ADGRV1: variants seen among roughly 807,000 people sequenced by gnomAD.
ADGRV1 encodes the protein G-protein coupled receptor 98.
A neutral mutation model predicts 596.2 loss-of-function variants in ADGRV1; 359 were observed. The observed-to-expected ratio is 0.60, with a 90% CI of 0.55 to 0.66. The LOEUF is 0.66. ADGRV1 is among the 30% of genes least tolerant of loss of function. ADGRV1 has a pLI of 0.00. For synonymous variants in ADGRV1, 2,681 were observed against 2,679.2 expected (o/e 1.00, Z -0.02); for missense variants, 7,274 against 7,575.6 (o/e 0.96, Z 1.48).
chr5:90,787,958 G>A (rs1409022476), intron 67 of ADGRV1, 113 bp from the exon 68 acceptor site: 2 of 644,332 alleles, frequency 3.1e-6, no homozygotes, highest in Admixed American at 3.6e-5. Flanking sequence ...AATTATCCTA[G>A]AATAATTTTC....
chr5:90,629,672 T>C, intron 9 of ADGRV1, 133 bp downstream of exon 9: 4 of 660,346 alleles, frequency 6.1e-6, no homozygotes, highest in Non-Finnish European at 1.0e-5. Flanking sequence ...AAAAGTTGTT[T>C]AGGTAGTCGG....
At chr5:91,123,705 T>C (rs751954308) in intron 87 of ADGRV1, among the ~76,000 whole-genome samples, 2 of 152,232 alleles carry the variant, frequency 1.3e-5, no homozygotes, top group Non-Finnish European at 2.9e-5. Flanking sequence ...GAGCTAAGTA[T>C]TTATTGTATT....
At chr5:90,635,535 T>C (rs1766076792) in intron 10 of ADGRV1, among the ~76,000 whole-genome samples, 1 of 152,128 alleles carries the variant, frequency 6.6e-6, no homozygotes, top group Admixed American at 6.6e-5. Flanking sequence ...TATTTTGATG[T>C]GACAGCTTTC....
At chr5:90,821,321 A>G (rs1227830054) in intron 75 of ADGRV1, among the ~76,000 whole-genome samples, 1 of 150,772 alleles carries the variant, frequency 6.6e-6, no homozygotes, top group Non-Finnish European at 1.5e-5. Flanking sequence ...ATTCTTCTAA[A>G]TTTTTTTCAA....
At chr5:90,961,706 T>G (rs1778048944) in intron 83 of ADGRV1, among the ~76,000 whole-genome samples, 1 of 152,134 alleles carries the variant, frequency 6.6e-6, no homozygotes, top group Non-Finnish European at 1.5e-5. Flanking sequence ...CTAAAAAGTA[T>G]TTACTCTTCA....
chr5:90,703,617 A>C (rs1449399634), intron 34 of ADGRV1, 48 bp from the exon 35 acceptor site: 28 of 1,420,932 alleles, frequency 2.0e-5, no homozygotes, highest in Non-Finnish European at 2.6e-5. Flanking sequence ...TCAAATGTGA[A>C]GTTTATTTTC....
chr5:91,125,699 A>C (rs1206353264), intron 87 of ADGRV1, among the ~76,000 whole-genome samples: 2 of 152,246 alleles, frequency 1.3e-5, no homozygotes, highest in Non-Finnish European at 2.9e-5. Context: ...ATAAAGGAGA[A>C]GAGTTGCACG....
rs1430021250 is a variant in ADGRV1 at position 90,840,874 on chromosome 5, T to C, written c.16908T>C (p.His5636=). ...TTTGGGGGCTTGCAGATCAGCTACA[T>C]CAGCCTGTGAATGATGATATTCTCA... The part of the protein sequence containing the change: ...QAIWGLADQL[H]QPVNDDILNR... Residue 5636 remains histidine (H), a synonymous_variant, in exon 78 of 90, where the codon CAT becomes CAC. Coordinates refer to ENST00000405460, the MANE Select transcript of ADGRV1 (RefSeq NM_032119.4). 1.2e-6 allele frequency: 2 copies of C among 1,608,026 alleles called. No individual in the cohort carries two copies. Among genetic ancestry groups the C allele is most frequent in the Admixed American group, 1.7e-5 (1 of 59,742 alleles).
At chr5:91,072,698 C>T (rs975193138) in intron 86 of ADGRV1, 94 bp downstream of exon 86, 67 of 1,313,964 alleles carry the variant, frequency 5.1e-5, no homozygotes, top group South Asian at 1.4e-4. Context: ...GAGGGAAGTT[C>T]GGCTCATCTT....
chr5:90,970,095 A>G (rs1231094494), intron 84 of ADGRV1, among the ~76,000 whole-genome samples: 7 of 152,206 alleles, frequency 4.6e-5, no homozygotes, highest in Non-Finnish European at 7.3e-5. Context: ...CCTGGCTCGG[A>G]GGGTCCCACG....
intron 87 of ADGRV1, among the ~76,000 whole-genome samples, chr5:91,115,027 G>A (rs1165431216): frequency 2.0e-5 from 3 of 152,122 alleles, no homozygotes; most frequent in South Asian, 4.1e-4. Context: ...AAAAAACAAC[G>A]CTGAATATAG....
At chr5:90,627,162 A>G in intron 6 of ADGRV1, 49 bp from the exon 7 acceptor site, 1 of 982,126 alleles carries the variant, frequency 1.0e-6, no homozygotes, top group Non-Finnish European at 1.5e-6. Context: ...GTTTATTTGC[A>G]GGTGTTTTGG....
intron 83 of ADGRV1, among the ~76,000 whole-genome samples, chr5:90,927,184 A>G (rs996971080): frequency 6.6e-6 from 1 of 150,506 alleles, no homozygotes; most frequent in African/African-American, 2.5e-5. Flanking sequence ...ATTCCTGGGT[A>G]TCCTTGTTGA....
chr5:91,070,054 C>G (rs995535621), intron 85 of ADGRV1, among the ~76,000 whole-genome samples: 12 of 151,964 alleles, frequency 7.9e-5, no homozygotes, highest in African/African-American at 2.7e-4. Context: ...GGAAGCTAAG[C>G]ATTGGGTACT....
chr5:90,628,490 C>T (rs890379126), intron 7 of ADGRV1, 72 bp from the exon 8 acceptor site: 3 of 1,290,232 alleles, frequency 2.3e-6, no homozygotes, highest in African/African-American at 2.9e-5. Context: ...GACAACTTGA[C>T]ATTGGGAAAG....
intron 26 of ADGRV1, 71 bp from the exon 27 acceptor site, chr5:90,681,244 G>A: frequency 6.5e-7 from 1 of 1,543,820 alleles, no homozygotes; most frequent in Non-Finnish European, 8.8e-7. Flanking sequence ...GTTGTTCCTT[G>A]GCTTTTTCTT....
chr5:91,007,323 A>G (rs568475026), intron 85 of ADGRV1, among the ~76,000 whole-genome samples: 1 of 152,248 alleles, frequency 6.6e-6, no homozygotes, highest in South Asian at 2.1e-4. Flanking sequence ...TAATTAATAC[A>G]AAATGTTTTT....
intron 78 of ADGRV1, among the ~76,000 whole-genome samples, chr5:90,847,742 C>T (rs1429628935): frequency 6.6e-6 from 1 of 152,238 alleles, no homozygotes; most frequent in African/African-American, 2.4e-5. Context: ...CTGCCCGGGG[C>T]TGGCAGGGCT....
intron 84 of ADGRV1, among the ~76,000 whole-genome samples, chr5:90,979,387 C>A (rs1779902513): frequency 6.6e-6 from 1 of 152,092 alleles, no homozygotes; most frequent in Non-Finnish European, 1.5e-5. Context: ...CCAGGCTGAT[C>A]TGGAACTCCT....
Sources: gnomAD v4.1 joint callset for allele counts (sites outside exome capture counted in the v4.1 genomes callset) on GRCh38, gnomAD v4.1.1 for gene constraint, MANE v1.5 for transcripts, NCBI Gene and HGNC (gene_info 2026-07-23, HGNC 2026-07-21) for gene names.